The following SMYD3 variants were observed in gnomAD, a reference collection of about 807,000 sequenced individuals.
The protein encoded by SMYD3 is histone-lysine N-methyltransferase SMYD3.
In SMYD3, 36 loss-of-function variants were observed where a neutral mutation model predicts 57.7. That is an observed-to-expected ratio of 0.62 (90% CI 0.48 to 0.82). The LOEUF is 0.82. Among genes scored for constraint, SMYD3 ranks in the 40% least tolerant of loss-of-function variants. SMYD3 has a pLI of 0.00. For synonymous variants in SMYD3, 211 were observed against 195.0 expected, an observed-to-expected ratio of 1.08 and a Z score of -0.68; for missense variants, 515 against 538.8, an observed-to-expected ratio of 0.96 and a Z score of 0.44.
In SMYD3 at chr1:245,842,914, T is replaced by C. The variant is rs117574560; in HGVS notation, c.1076+15582A>G. ...TTTGTAAGACAAGGTCTTCCTATGT[T>C]ACCCCAGGTTGATCTCAAACTTCTT... On this transcript the variant is annotated intron_variant, in intron 10 of 11. Coordinates refer to ENST00000490107, the MANE Select transcript of SMYD3 (RefSeq NM_001167740.2). 3.1e-4 allele frequency among the ~76,000 whole-genome samples: 47 copies of C among 152,298 alleles called. No homozygotes were observed. In the East Asian group the frequency reaches 6.2e-3, roughly 20 times the overall value.
intron 5 of SMYD3, among the ~76,000 whole-genome samples, chr1:246,098,105 C>T (rs752243498): frequency 3.4e-4 from 52 of 152,034 alleles, no homozygotes; most frequent in African/African-American, 8.9e-4. Context: ...CAAATAGATG[C>T]CCTCAAAAAA....
chr1:245,904,575 C>A (rs901607226), intron 8 of SMYD3, among the ~76,000 whole-genome samples: 3 of 152,168 alleles, frequency 2.0e-5, no homozygotes, highest in African/African-American at 7.2e-5. Context: ...AATCTCCAAT[C>A]CCAGAGGTCC....
chr1:246,173,328 T>G (rs2062375874), intron 5 of SMYD3, among the ~76,000 whole-genome samples: 1 of 152,248 alleles, frequency 6.6e-6, no homozygotes, highest in African/African-American at 2.4e-5. Flanking sequence ...CCTAGAACAC[T>G]CACTGTATTC....
chr1:246,334,251 C>A (rs2065505758), intron 3 of SMYD3, among the ~76,000 whole-genome samples: 1 of 152,140 alleles, frequency 6.6e-6, no homozygotes, highest in Non-Finnish European at 1.5e-5. Flanking sequence ...CAAAAAGATA[C>A]ATGTACTCAT....
At chr1:246,353,001 T>C (rs1394596612) in intron 2 of SMYD3, among the ~76,000 whole-genome samples, 1 of 152,152 alleles carries the variant, frequency 6.6e-6, no homozygotes, top group African/African-American at 2.4e-5. Context: ...TAGAAACAAA[T>C]AGCTGAGCTT....
chr1:245,949,548 G>A (rs1467436703), intron 5 of SMYD3, among the ~76,000 whole-genome samples: 3 of 152,206 alleles, frequency 2.0e-5, no homozygotes, highest in Non-Finnish European at 4.4e-5. Context: ...GGTGGCTCAC[G>A]CCTGTAATCC....
intron 10 of SMYD3, among the ~76,000 whole-genome samples, chr1:245,832,509 G>A (rs902282240): frequency 4.5e-5 from 6 of 134,106 alleles, no homozygotes; most frequent in African/African-American, 1.6e-4. Flanking sequence ...GAGAGTTGAG[G>A]AGAAGACGAC....
intron 5 of SMYD3, among the ~76,000 whole-genome samples, chr1:246,209,000 G>A (rs1275871694): frequency 6.6e-6 from 1 of 152,088 alleles, no homozygotes; most frequent in African/African-American, 2.4e-5. Context: ...AGTCTGAAAT[G>A]AGGGCAACTA....
chr1:246,179,686 A>G (rs1035949423), intron 5 of SMYD3, among the ~76,000 whole-genome samples: 5 of 152,208 alleles, frequency 3.3e-5, no homozygotes, highest in Non-Finnish European at 5.9e-5. Context: ...GGTCAGATAT[A>G]TATTTCTCAA....
At chr1:246,287,280 C>A (rs2064588157) in intron 5 of SMYD3, among the ~76,000 whole-genome samples, 1 of 152,098 alleles carries the variant, frequency 6.6e-6, no homozygotes, top group Non-Finnish European at 1.5e-5. Context: ...AAAATATTTT[C>A]TAATATATAT....
At chr1:246,245,333 T>C (rs1770008) in intron 5 of SMYD3, among the ~76,000 whole-genome samples, 53,193 of 151,580 alleles carry the variant, frequency 0.35, 10,191 homozygotes, top group East Asian at 0.79. Flanking sequence ...ATCCCAGCTA[T>C]TCAGGAGGCT....
chr1:246,005,720 C>T (rs540190399), intron 5 of SMYD3, among the ~76,000 whole-genome samples: 1 of 152,280 alleles, frequency 6.6e-6, no homozygotes, highest in East Asian at 1.9e-4. Context: ...AGAATCCTCT[C>T]ACAAACAGAG....
Position 246,084,388 on chromosome 1 carries a change from G to A in SMYD3, c.532-154451C>T, listed in dbSNP as rs549334114. Among the ~76,000 whole-genome samples, 313 of 151,754 alleles carry A rather than the reference G, an allele frequency of 2.1e-3. 2 individuals are homozygous for A. The highest frequency in any genetic ancestry group is 1.9e-3 in the Non-Finnish European group (131 of 67,900). Reference sequence around the variant, plus strand: ...GCACCATCATGCCCAGCTATTTTTTGTATTTTTTGTAGAGATGGAGTTTTG... The same window carrying A: ...GCACCATCATGCCCAGCTATTTTTTATATTTTTTGTAGAGATGGAGTTTTG... On this transcript the variant is annotated intron_variant, in intron 5 of 11. Transcript: ENST00000490107.
At chr1:246,187,628 T>A (rs184530604) in intron 5 of SMYD3, among the ~76,000 whole-genome samples, 2 of 152,350 alleles carry the variant, frequency 1.3e-5, no homozygotes, top group Admixed American at 1.3e-4. Context: ...AATTTCTTAA[T>A]TAAAATATTT....
In SMYD3 at chr1:246,348,840, T is replaced by C. The variant is rs143461724; in HGVS notation, c.228+6191A>G. 5.1e-3 allele frequency among the ~76,000 whole-genome samples: 783 copies of C among 152,250 alleles called. 5 individuals carry two copies. The highest frequency in any genetic ancestry group is 0.01 in the Middle Eastern group (3 of 294). ...TTACTCAGTGTCAGTTATTCTATTA[T>C]AGCAGCACAAAACAGACTAAAATAA... On this transcript the variant is annotated intron_variant, in intron 2 of 11. Transcript: ENST00000490107.
At chr1:246,104,804 C>A (rs1381086061) in intron 5 of SMYD3, among the ~76,000 whole-genome samples, 1 of 152,172 alleles carries the variant, frequency 6.6e-6, no homozygotes, top group Non-Finnish European at 1.5e-5. Flanking sequence ...GTTGAAACCA[C>A]CTCTATGTCC....
chr1:245,833,949 T>C (rs1319907394), intron 10 of SMYD3, among the ~76,000 whole-genome samples: 2 of 152,236 alleles, frequency 1.3e-5, no homozygotes, highest in African/African-American at 2.4e-5. Flanking sequence ...TTAGAAACAT[T>C]GAAGTATAAA....
intron 5 of SMYD3, among the ~76,000 whole-genome samples, chr1:246,084,604 G>A (rs954662900): frequency 1.3e-5 from 2 of 152,102 alleles, no homozygotes; most frequent in Non-Finnish European, 2.9e-5. Context: ...TCACCATTAT[G>A]TTGATTCCCT....
intron 5 of SMYD3, among the ~76,000 whole-genome samples, chr1:245,951,904 T>C (rs2057666542): frequency 6.6e-6 from 1 of 152,180 alleles, no homozygotes; most frequent in Admixed American, 6.5e-5. Flanking sequence ...ACAAATGCTC[T>C]CATTTCCCCC....
Sources: allele counts gnomAD v4.1 joint callset (sites outside exome capture counted in the v4.1 genomes callset), GRCh38; gene constraint gnomAD v4.1.1; transcripts MANE v1.5; gene names NCBI Gene and HGNC (gene_info 2026-07-23, HGNC 2026-07-21).